The following ATG16L1 variants were observed in gnomAD, a reference collection of about 807,000 sequenced individuals.
ATG16L1 encodes autophagy related 16 like 1.
A neutral mutation model predicts 88.5 loss-of-function variants in ATG16L1; 37 were observed. That is an observed-to-expected ratio of 0.42 (90% CI 0.32 to 0.55). The LOEUF (loss-of-function observed/expected upper bound fraction) is 0.55. Among genes scored for constraint, ATG16L1 ranks in the 20% least tolerant of loss-of-function variants. The pLI, the probability that ATG16L1 is intolerant of heterozygous loss-of-function variation, is 0.13. For synonymous variants in ATG16L1, 301 were observed against 281.0 expected, an observed-to-expected ratio of 1.07 and a Z score of -0.71; for missense variants, 554 against 752.8, an observed-to-expected ratio of 0.74 and a Z score of 3.09.
At chr2:233,274,624 G>A (rs751628926) in intron 8 of ATG16L1, 52 bp from the exon 9 acceptor site, 7 of 1,407,686 alleles carry the variant, frequency 5.0e-6, no homozygotes, top group Non-Finnish European at 7.0e-6. Flanking sequence ...AATTTGATGA[G>A]CAGTAAACCT....
In ATG16L1 at chr2:233,288,424, A is replaced by AT. The variant is rs997158021; in HGVS notation, c.1204-1429dup. Among the ~76,000 whole-genome samples the AT allele has an allele frequency of 6.6e-5, 10 of 152,226 alleles. No homozygotes were observed. The East Asian group carries it at 1.5e-3, about 24-fold the overall frequency. On this transcript the variant is annotated intron_variant, in intron 12 of 17. Transcript: ENST00000392017. ...AGCCTCCCCTGTAACAGCTGAGACTATAAGTACCCACCACACCCAGCTAAT... is the reference window on the plus strand; with the variant it reads ...AGCCTCCCCTGTAACAGCTGAGACTATTAAGTACCCACCACACCCAGCTAAT...
chr2:233,294,837 A>C lies in ATG16L1; in HGVS notation c.*487A>C, dbSNP rs1349637070. On this transcript the variant is annotated 3_prime_UTR_variant, in exon 18 of 18. Transcript: ENST00000392017. ...GGATTAACGGAAACTCCCGAACTAC[A>C]GACCCCTCCCTGGTGGGTTGCATGA... The C allele has an allele frequency of 6.5e-6, 1 of 153,016 alleles. No individual in the cohort carries two copies. Among genetic ancestry groups the C allele is most frequent in the Non-Finnish European group, 1.5e-5 (1 of 68,210 alleles). The allele number at this position is 153,016 out of a possible 1,614,324, so 9.5% of individuals were successfully genotyped here.
intron 7 of ATG16L1, chr2:233,273,283 G>A (rs1698115136): frequency 7.4e-6 from 4 of 540,148 alleles, no homozygotes; most frequent in African/African-American, 3.8e-5. Context: ...ACAAAAAAAT[G>A]TAGTGGCTTA....
chr2:233,289,903 T>G lies in ATG16L1; in HGVS notation c.1253T>G (p.Leu418Arg). 6.2e-7 allele frequency: 1 copy of G among 1,614,238 alleles called. No individual in the cohort carries two copies. The highest frequency in any genetic ancestry group is 1.1e-5 in the South Asian group (1 of 91,088). ...SGKVLSAKFL[L>R]DNARIVSGSH... Reference sequence around the variant, plus strand: ...AAAGTGCTGTCTGCTAAGTTCCTGCTGGACAATGCGCGGATTGTCTCAGGA... The same window carrying G: ...AAAGTGCTGTCTGCTAAGTTCCTGCGGGACAATGCGCGGATTGTCTCAGGA... The change falls in exon 13 of 18, where the codon CTG (leucine) becomes CGG (arginine). Residue 418 changes from leucine to arginine, a missense_variant. Leu to Arg is a moderately radical substitution (Grantham distance 102, BLOSUM62 -2). Around this residue, in one of 5 missense-constraint regions of ATG16L1, gnomAD observed 370 missense variants for 509.7 expected, o/e 0.73. Transcript: ENST00000392017.
Position 233,263,231 on chromosome 2 carries a change from G to A in ATG16L1, c.311G>A (p.Gly104Glu). The A allele has an allele frequency of 1.9e-6, 3 of 1,613,514 alleles. No individual in the cohort carries two copies. Among genetic ancestry groups the A allele is most frequent in the Admixed American group, 1.7e-5 (1 of 59,980 alleles). The change falls in exon 3 of 18, where the codon GGG (glycine) becomes GAG (glutamate). Residue 104 changes from glycine to glutamate, a missense_variant. Coordinates refer to ENST00000392017, the MANE Select transcript of ATG16L1 (RefSeq NM_030803.7). ...CTGACTGAATTACACAAGAAACGTG[G>A]GGAGGTAAAGCTAGCCCTTTTCCTC... ...EELTELHKKRGELAQLVIDLN... is the reference protein window; with the variant it reads ...EELTELHKKREELAQLVIDLN...
intron 9 of ATG16L1, chr2:233,275,445 A>G: frequency 2.9e-6 from 1 of 344,972 alleles, no homozygotes; most frequent in Non-Finnish European, 5.7e-6. Flanking sequence ...TGACTCCAGT[A>G]CTGGCCTAAT....
chr2:233,273,890 A>G lies in ATG16L1; in HGVS notation c.851+113A>G, dbSNP rs1430236036. 8 of 1,501,840 alleles carry G rather than the reference A, an allele frequency of 5.3e-6. No homozygotes were observed. In the Admixed American group the frequency reaches 7.5e-5, roughly 14 times the overall value. 93.0% of individuals were successfully genotyped at this position (1,501,840 alleles called of 1,614,324 possible). ...CAGGTGTCAGTGATGCAGAGTATAC[A>G]TATGCCTTAATATCAGCTTTTCATT... is the stretch of plus-strand genomic sequence containing the variant. On this transcript the variant is annotated intron_variant, in intron 8 of 17. Coordinates refer to ENST00000392017, the MANE Select transcript of ATG16L1 (RefSeq NM_030803.7).
chr2:233,292,569 T>G, intron 16 of ATG16L1, 135 bp downstream of exon 16: 1 of 1,040,754 alleles, frequency 9.6e-7, no homozygotes, highest in East Asian at 2.5e-5. Flanking sequence ...TGTAAGTTCA[T>G]AATTGCAGGC....
chr2:233,285,826 C>T (rs1699037074), intron 12 of ATG16L1, among the ~76,000 whole-genome samples: 1 of 152,176 alleles, frequency 6.6e-6, no homozygotes, highest in African/African-American at 2.4e-5. Context: ...TGTTCGGTGT[C>T]TCCTTTGCTC....
chr2:233,265,449 C>G (rs1697500329), intron 5 of ATG16L1, among the ~76,000 whole-genome samples: 1 of 152,094 alleles, frequency 6.6e-6, no homozygotes, highest in African/African-American at 2.4e-5. Flanking sequence ...ATGTGAAATT[C>G]CTAAATCAGA....
intron 12 of ATG16L1, among the ~76,000 whole-genome samples, chr2:233,285,051 C>T (rs1199948694): frequency 6.6e-6 from 1 of 152,248 alleles, no homozygotes; most frequent in East Asian, 1.9e-4. Flanking sequence ...GCTAGAGAGC[C>T]TGCCATGGGG....
In ATG16L1 at chr2:233,282,680, A is replaced by G. The variant is rs1289726878; in HGVS notation, c.1132-2A>G. 1 of 1,613,826 alleles carries G rather than the reference A, an allele frequency of 6.2e-7. No homozygotes were observed. The highest frequency in any genetic ancestry group is 8.5e-7 in the Non-Finnish European group (1 of 1,179,858). On this transcript the variant is annotated splice_acceptor_variant, in intron 11 of 17. Transcript: ENST00000392017. LOFTEE classifies it high-confidence loss of function. ...TGGTTTTCCTCTTCTTTATTCCCAC[A>G]GGGATCTTACCTCTTAGCAGCTTCA...
At chr2:233,293,011 A>G (rs11679064) in intron 16 of ATG16L1, among the ~76,000 whole-genome samples, 8,798 of 152,146 alleles carry the variant, frequency 0.058, 309 homozygotes, top group South Asian at 0.14. Context: ...AAGTCTGTAG[A>G]TGGTTAAGGA....
Position 233,274,690 on chromosome 2 carries a change from C to T in ATG16L1, c.866C>T (p.Ser289Phe). ...TTATTTCTTAGGAGACGCTCTGTCT[C>T]TTCCTTCCCAGTCCCCCAGGACAAT... ...ITNIFGRRSV[S>F]SFPVPQDNVD... Residue 289 changes from serine to phenylalanine, a missense_variant, in exon 9 of 18, where the codon TCT (serine) becomes TTT (phenylalanine). Ser to Phe is a radical substitution (Grantham distance 155). Transcript: ENST00000392017. 1 of 1,609,930 alleles carries T rather than the reference C, an allele frequency of 6.2e-7. No individual in the cohort carries two copies. Among genetic ancestry groups the T allele is most frequent in the Non-Finnish European group, 8.5e-7 (1 of 1,176,256 alleles).
In ATG16L1 at chr2:233,294,325, A is replaced by G. The variant is rs2125307089; in HGVS notation, c.1799A>G (p.Lys600Arg). Residue 600 changes from lysine (K) to arginine (R), a missense_variant, in exon 18 of 18, where the codon AAA becomes AGA. This residue lies in a region of ATG16L1 where 370 missense variants were observed against 509.7 expected (regional missense o/e 0.73). Coordinates refer to ENST00000392017, the MANE Select transcript of ATG16L1 (RefSeq NM_030803.7). ...GTTGTCAGTGTGGACAAAGGATGCA[A>G]AGCTGTGCTGTGGGCACAGTACTGA... ...SHVVSVDKGC[K>R]AVLWAQY is the part of the protein sequence containing the mutation. The G allele has an allele frequency of 6.2e-7, 1 of 1,613,742 alleles. No individual in the cohort carries two copies. The highest frequency in any genetic ancestry group is 8.5e-7 in the Non-Finnish European group (1 of 1,179,924).
intron 5 of ATG16L1, among the ~76,000 whole-genome samples, chr2:233,269,337 C>A (rs1280099155): frequency 6.6e-6 from 1 of 152,132 alleles, no homozygotes; most frequent in Non-Finnish European, 1.5e-5. Context: ...CTAAGTAAAT[C>A]TTCACTGTTA....
At chr2:233,273,156 A>C in intron 7 of ATG16L1, 104 bp downstream of exon 7, 1 of 913,042 alleles carries the variant, frequency 1.1e-6, no homozygotes, top group Non-Finnish European at 1.8e-6. Context: ...CCAACCCCTT[A>C]CCCCTTTTCT....
rs562249220 is a variant in ATG16L1, at chr2:233,282,919, A to G, written c.1203+166A>G. The G allele has an allele frequency of 1.5e-4, 93 of 601,608 alleles. 1 individual carries two copies. In the South Asian group the frequency reaches 1.7e-3, roughly 11 times the overall value. The allele number at this position is 601,608 out of a possible 1,614,324, so 37.3% of individuals were successfully genotyped here. ...GGGGAAATCTGTGTTTCCACTTTAT[A>G]CTCTTTGTCCAAAACTCAGTTTCAA... On this transcript the variant is annotated intron_variant, in intron 12 of 17. Transcript: ENST00000392017.
chr2:233,286,414 T>C (rs1165307585), intron 12 of ATG16L1, among the ~76,000 whole-genome samples: 1 of 152,110 alleles, frequency 6.6e-6, no homozygotes, highest in African/African-American at 2.4e-5. Flanking sequence ...CTAAAAGTGT[T>C]GTTAATCATA....
Sources: gnomAD v4.1 joint callset for allele counts (sites outside exome capture counted in the v4.1 genomes callset) on GRCh38, gnomAD v4.1.1 for gene constraint, gnomAD v4.1.1 regional missense constraint, MANE v1.5 for transcripts, NCBI Gene and HGNC (gene_info 2026-07-23, HGNC 2026-07-21) for gene names.